Variants in GCKR observed in about 807,000 individuals in gnomAD.
GCKR encodes glucokinase regulatory protein.
A neutral mutation model predicts 82.9 loss-of-function variants in GCKR; 73 were observed. That is an observed-to-expected ratio of 0.88 (90% CI 0.73 to 1.07). The LOEUF (loss-of-function observed/expected upper bound fraction) is 1.07. GCKR is among the 50% of genes least tolerant of loss of function. The probability of loss-of-function intolerance (pLI) is 0.00; values close to 1 mark genes in which losing one functional copy is unlikely to be tolerated. For synonymous variants in GCKR, 294 were observed against 291.8 expected, an observed-to-expected ratio of 1.01 and a Z score of -0.08; for missense variants, 784 against 782.1, an observed-to-expected ratio of 1.00 and a Z score of -0.03.
rs189732903 is a variant in GCKR, at chr2:27,522,398, T to C, written c.1573-62T>C. 6.6e-5 allele frequency: 104 copies of C among 1,573,348 alleles called. No individual in the cohort carries two copies. In the East Asian group the frequency reaches 1.4e-3, roughly 21 times the overall value. ...ACTCTCATAGTTTATTCTTCTCCCTTGACTCCATTCTTAGTTCCTCTGGCC... is the reference window on the plus strand; with the variant it reads ...ACTCTCATAGTTTATTCTTCTCCCTCGACTCCATTCTTAGTTCCTCTGGCC... On this transcript the variant is annotated intron_variant, in intron 17 of 18. Coordinates refer to ENST00000264717, the MANE Select transcript of GCKR (RefSeq NM_001486.4).
At position 27,503,611 on chromosome 2, in the gene GCKR, G is replaced by T. The variant is rs267599320; in HGVS notation, c.742G>T (p.Ala248Ser). The change falls in exon 9 of 19, where the codon GCC becomes TCC. Residue 248 changes from alanine (A) to serine (S), a missense_variant. Ala to Ser is a moderately conservative substitution (Grantham distance 99). Coordinates refer to ENST00000264717, the MANE Select transcript of GCKR (RefSeq NM_001486.4). ...EKQKAFVLNPAIGPEGLSGSS... is the reference protein window; with the variant it reads ...EKQKAFVLNPSIGPEGLSGSS... ...ACAGAAAGCTTTTGTGCTCAATCCTGCCATCGGGGTAGGGCCTCTCCTTTT... is the reference window on the plus strand; with the variant it reads ...ACAGAAAGCTTTTGTGCTCAATCCTTCCATCGGGGTAGGGCCTCTCCTTTT... 6.4e-7 allele frequency: 1 copy of T among 1,572,506 alleles called. No homozygotes were observed. Among genetic ancestry groups the T allele is most frequent in the Non-Finnish European group, 8.8e-7 (1 of 1,142,016 alleles).
chr2:27,512,528 C>T (rs1272057848), intron 16 of GCKR, among the ~76,000 whole-genome samples: 1 of 143,508 alleles, frequency 7.0e-6, no homozygotes, highest in Non-Finnish European at 1.5e-5. Flanking sequence ...GAGTGAGACT[C>T]CATCTCAAAA....
chr2:27,522,041 T>C (rs1670164569), intron 17 of GCKR, among the ~76,000 whole-genome samples: 1 of 152,138 alleles, frequency 6.6e-6, no homozygotes, highest in South Asian at 2.1e-4. Context: ...ATATTTCTAC[T>C]GGACAATGCT....
At chr2:27,521,033 G>A (rs1335098026) in intron 17 of GCKR, among the ~76,000 whole-genome samples, 1 of 151,502 alleles carries the variant, frequency 6.6e-6, no homozygotes, top group Non-Finnish European at 1.5e-5. Context: ...GACAGAGTGA[G>A]ACTATCTCTC....
rs935416392 is a variant in GCKR at position 27,501,359 on chromosome 2, T to G, written c.644+130T>G. On this transcript the variant is annotated intron_variant, in intron 8 of 18. Transcript: ENST00000264717. Reference sequence around the variant, plus strand: ...AAATCTCAGAATATTAAAGTAAATATGGGGTGCCCCTAAGCTTATAAGGTT... The same window carrying G: ...AAATCTCAGAATATTAAAGTAAATAGGGGGTGCCCCTAAGCTTATAAGGTT... 3 of 734,534 alleles carry G rather than the reference T, an allele frequency of 4.1e-6. No homozygotes were observed. In the African/African-American group the frequency reaches 5.2e-5, roughly 13 times the overall value. 45.5% of individuals were successfully genotyped at this position (734,534 alleles called of 1,614,324 possible).
chr2:27,497,348 A>G lies in GCKR; in HGVS notation c.165A>G (p.Gln55=). 2 of 1,614,248 alleles carry G rather than the reference A, an allele frequency of 1.2e-6. No individual in the cohort carries two copies. The highest frequency in any genetic ancestry group is 1.7e-6 in the Non-Finnish European group (2 of 1,180,044). Residue 55 remains glutamine (Q), a synonymous_variant, in exon 2 of 19, where the codon CAA becomes CAG. Transcript: ENST00000264717. ...AGAACATTGTTCGACTGCTAGGGCA[A>G]TGTGATGCTGAGATCTTCCAGGAGG... ...DAENIVRLLG[Q]CDAEIFQEEG... is the part of the protein sequence containing the mutation.
chr2:27,510,070 G>A (rs1393943239), intron 16 of GCKR, among the ~76,000 whole-genome samples: 3 of 150,972 alleles, frequency 2.0e-5, no homozygotes, highest in African/African-American at 7.3e-5. Context: ...GTGCAGTGGC[G>A]CGATCTCCGC....
chr2:27,519,163 G>A (rs763315771), intron 17 of GCKR, among the ~76,000 whole-genome samples: 2 of 152,348 alleles, frequency 1.3e-5, no homozygotes, highest in African/African-American at 2.4e-5. Context: ...AGTTACAAAC[G>A]TGATGGAAAA....
At chr2:27,513,509 T>TA (rs1669936407) in intron 16 of GCKR, among the ~76,000 whole-genome samples, 1 of 141,608 alleles carries the variant, frequency 7.1e-6, no homozygotes. Flanking sequence ...GCCTGGGTGA[T>TA]AGAGCGAGAC....
chr2:27,510,231 G>C (rs1275039526), intron 16 of GCKR, among the ~76,000 whole-genome samples: 1 of 151,670 alleles, frequency 6.6e-6, no homozygotes, highest in African/African-American at 2.4e-5. Context: ...GGATGGTCTC[G>C]ATCTTCTGAA....
At chr2:27,501,083 C>A (rs1244278528) in intron 7 of GCKR, 52 bp from the exon 8 acceptor site, 30 of 1,223,558 alleles carry the variant, frequency 2.5e-5, no homozygotes, top group Non-Finnish European at 3.5e-5. Flanking sequence ...GCCTTGGGCA[C>A]CACTCAGAGT....
At chr2:27,504,169 C>T (rs1463981025) in intron 9 of GCKR, among the ~76,000 whole-genome samples, 1 of 152,196 alleles carries the variant, frequency 6.6e-6, no homozygotes, top group African/African-American at 2.4e-5. Flanking sequence ...CAGCCCGTGC[C>T]TCCCTCTACC....
At position 27,522,897 on chromosome 2, in the gene GCKR, GTT is replaced by G. The variant is rs34507360; in HGVS notation, c.1707+318_1707+319del. On this transcript the variant is annotated intron_variant, in intron 18 of 18. Coordinates refer to ENST00000264717, the MANE Select transcript of GCKR (RefSeq NM_001486.4). ...AATGCTTTAACTCCTCCAGGGTTCT[GTT>G]TTTTTTTTTTTTTTGAGAGAGAGTC... Among the ~76,000 whole-genome samples the G allele has an allele frequency of 6.3e-3, 847 of 134,918 alleles. 5 individuals carry two copies. The highest frequency in any genetic ancestry group is 0.016 in the African/African-American group (578 of 36,162). The allele number at this position is 134,918 out of a possible 152,430, so 88.5% of individuals were successfully genotyped here.
Position 27,509,676 on chromosome 2 carries a change from T to C in GCKR, c.1422+1425T>C, listed in dbSNP as rs562255341. 7.5e-5 allele frequency: 14 copies of C among 186,504 alleles called. No individual in the cohort carries two copies. The South Asian group carries it at 1.1e-3, about 15-fold the overall frequency. 11.6% of individuals were successfully genotyped at this position (186,504 alleles called of 1,614,324 possible). On this transcript the variant is annotated intron_variant, in intron 16 of 18. Coordinates refer to ENST00000264717, the MANE Select transcript of GCKR (RefSeq NM_001486.4). ...TATTTTTAAAGAAAAATGTTCATTT[T>C]AACAGCCATACATTTTTTATAGATA... is the stretch of plus-strand genomic sequence containing the variant.
chr2:27,512,136 G>A (rs1307666712), intron 16 of GCKR, among the ~76,000 whole-genome samples: 1 of 151,416 alleles, frequency 6.6e-6, no homozygotes, highest in Non-Finnish European at 1.5e-5. Context: ...CTACTCAGGA[G>A]GCTGAGGCAG....
intron 4 of GCKR, 107 bp from the exon 5 acceptor site, chr2:27,498,617 T>C (rs1669484199): frequency 1.3e-6 from 1 of 776,256 alleles, no homozygotes; most frequent in Non-Finnish European, 2.3e-6. Flanking sequence ...GGTTAAGCAC[T>C]GGTCTAAGAG....
chr2:27,504,731 C>T (rs1469714333), intron 9 of GCKR, among the ~76,000 whole-genome samples: 1 of 152,158 alleles, frequency 6.6e-6, no homozygotes, highest in East Asian at 1.9e-4. Context: ...CTGCTGCAAT[C>T]ACTTCTTCAT....
At position 27,498,282 on chromosome 2, in the gene GCKR, A is replaced by G. The variant is rs1456646191; in HGVS notation, c.313A>G (p.Ser105Gly). The G allele has an allele frequency of 6.2e-7, 1 of 1,613,558 alleles. No homozygotes were observed. Among genetic ancestry groups the G allele is most frequent in the Non-Finnish European group, 8.5e-7 (1 of 1,179,720 alleles). Reference protein sequence around the residue: ...KEPDGGLVVLSGGGTSGRMAF... With the variant: ...KEPDGGLVVLGGGGTSGRMAF... ...GCCAGATGGGGGGCTGGTTGTGCTG[A>G]GTGGAGGGGGCACCTCTGGCCGGAT... Residue 105 changes from serine to glycine, a missense_variant, in exon 4 of 19, where the codon AGT (serine) becomes GGT (glycine). By Grantham distance (56) the Ser-to-Gly change is moderately conservative. Transcript: ENST00000264717.
At chr2:27,522,967 C>T (rs1475259339) in intron 18 of GCKR, among the ~76,000 whole-genome samples, 8 of 150,698 alleles carry the variant, frequency 5.3e-5, no homozygotes, top group African/African-American at 1.2e-4. Context: ...GGCGCGATCT[C>T]GGCTCACTGC....
Sources: allele counts gnomAD v4.1 joint callset (sites outside exome capture counted in the v4.1 genomes callset), GRCh38; gene constraint gnomAD v4.1.1; transcripts MANE v1.5; gene names NCBI Gene and HGNC (gene_info 2026-07-23, HGNC 2026-07-21).